The following POLD3 variants were observed in gnomAD, a reference collection of about 807,000 sequenced individuals.
POLD3 encodes DNA polymerase delta 3, accessory subunit.
POLD3 carries 19 observed loss-of-function variants against 58.2 expected under a neutral mutation model. The ratio of observed to expected loss-of-function variants is 0.33; its 90% CI spans 0.23 to 0.48. POLD3 has a LOEUF of 0.48. Among genes scored for constraint, POLD3 ranks in the 20% least tolerant of loss-of-function variants. The pLI is 0.99. For synonymous variants in POLD3, 172 were observed against 193.5 expected, an observed-to-expected ratio of 0.89 and a Z score of 0.92; for missense variants, 504 against 545.5, an observed-to-expected ratio of 0.92 and a Z score of 0.76.
At chr11:74,597,058 T>C (rs2031287279) in intron 2 of POLD3, among the ~76,000 whole-genome samples, 1 of 152,224 alleles carries the variant, frequency 6.6e-6, no homozygotes, top group African/African-American at 2.4e-5. Flanking sequence ...GCAATAAACA[T>C]GTGAGTGCAA....
intron 5 of POLD3, 94 bp downstream of exon 5, chr11:74,613,104 T>C: frequency 9.3e-7 from 1 of 1,070,884 alleles, no homozygotes; most frequent in Non-Finnish European, 1.4e-6. Context: ...ATGCCAAGTC[T>C]AGTAAAACCC....
At chr11:74,629,646 TA>T (rs1159467766) in intron 9 of POLD3, among the ~76,000 whole-genome samples, 1 of 151,958 alleles carries the variant, frequency 6.6e-6, no homozygotes, top group African/African-American at 2.4e-5. Flanking sequence ...GTGAATCTTT[TA>T]AAAATTGTGA....
chr11:74,599,959 T>A (rs80059309), intron 2 of POLD3, among the ~76,000 whole-genome samples: 11,304 of 148,348 alleles, frequency 0.076, 886 homozygotes, highest in African/African-American at 0.21. Context: ...TATTATTATT[T>A]TTTTTTTTTT....
chr11:74,629,083 T>C (rs930822685), intron 8 of POLD3, 134 bp from the exon 9 acceptor site: 11 of 595,174 alleles, frequency 1.8e-5, no homozygotes, highest in Non-Finnish European at 3.0e-5. Context: ...AGAGTCCTTC[T>C]TGGACTATTT....
chr11:74,647,946 C>A (rs1466569771), downstream of POLD3, among the ~76,000 whole-genome samples: 1 of 152,154 alleles, frequency 6.6e-6, no homozygotes, highest in African/African-American at 2.4e-5. Context: ...ATTTAATACA[C>A]TTTCTCTAAT....
chr11:74,654,373 A>G (rs2033106621), intron 4 of POLD3, among the ~76,000 whole-genome samples: 2 of 152,244 alleles, frequency 1.3e-5, no homozygotes, highest in Non-Finnish European at 2.9e-5. Context: ...GAGTTAATCA[A>G]GAAGATATAA....
chr11:74,643,618 C>T (rs1339881155), downstream of POLD3, among the ~76,000 whole-genome samples: 1 of 152,106 alleles, frequency 6.6e-6, no homozygotes. Flanking sequence ...ACTTTCCAGG[C>T]AGAGGAGCAT....
intron 4 of POLD3, among the ~76,000 whole-genome samples, chr11:74,667,503 C>A (rs923199138): frequency 6.6e-6 from 1 of 152,160 alleles, no homozygotes; most frequent in Non-Finnish European, 1.5e-5. Context: ...GCACTCCAAC[C>A]TGGGCGACAG....
At chr11:74,661,136 A>G (rs1042626710) in intron 4 of POLD3, among the ~76,000 whole-genome samples, 1 of 152,104 alleles carries the variant, frequency 6.6e-6, no homozygotes. Context: ...ACTTTCCTCA[A>G]AACAGCTTTG....
chr11:74,592,594 C>A lies in POLD3; in HGVS notation c.-65C>A. ...CCTGGGAGGGAGCAAAGACGTTTCCCGCCGGCGGGAGCTGTGGCTGTGATT... is the reference window on the plus strand; with the variant it reads ...CCTGGGAGGGAGCAAAGACGTTTCCAGCCGGCGGGAGCTGTGGCTGTGATT... On this transcript the variant is annotated 5_prime_UTR_variant, in exon 1 of 12. Transcript: ENST00000263681. 6.3e-7 allele frequency: 1 copy of A among 1,597,030 alleles called. No individual in the cohort carries two copies. Among genetic ancestry groups the A allele is most frequent in the Non-Finnish European group, 8.6e-7 (1 of 1,168,800 alleles).
chr11:74,641,685 A>G lies in POLD3; in HGVS notation c.*919A>G. 1.0e-6 allele frequency: 1 copy of G among 985,268 alleles called. No individual in the cohort carries two copies. 61.0% of individuals were successfully genotyped at this position (985,268 alleles called of 1,614,324 possible). A position where few individuals can be genotyped will look rare whatever the true frequency, so the allele number is the denominator to read the frequency against. On this transcript the variant is annotated 3_prime_UTR_variant, in exon 12 of 12. Transcript: ENST00000263681. ...TTCCTATATACAGTGTGCTACATTTACAAAAAATTTCTCCTTAAGAAAACA... is the reference window on the plus strand; with the variant it reads ...TTCCTATATACAGTGTGCTACATTTGCAAAAAATTTCTCCTTAAGAAAACA...
intron 2 of POLD3, among the ~76,000 whole-genome samples, chr11:74,596,608 A>G (rs905583081): frequency 2.6e-5 from 4 of 152,174 alleles, no homozygotes; most frequent in African/African-American, 9.7e-5. Context: ...TCACACAGTT[A>G]TTTTGGTGGT....
rs116228011 is a variant in POLD3, at chr11:74,630,924, T to C, written c.1006+1601T>C. On this transcript the variant is annotated intron_variant, in intron 9 of 11. Coordinates refer to ENST00000263681, the MANE Select transcript of POLD3 (RefSeq NM_006591.3). ...AATAATACTGTTGGGTGATTAGAAATGTGAGTGGGGTTATTTAGTTTTGAA... is the reference window on the plus strand; with the variant it reads ...AATAATACTGTTGGGTGATTAGAAACGTGAGTGGGGTTATTTAGTTTTGAA... 6.4e-3 allele frequency among the ~76,000 whole-genome samples: 976 copies of C among 152,272 alleles called. 11 individuals are homozygous for C. Among genetic ancestry groups the C allele is most frequent in the African/African-American group, 0.022 (920 of 41,544 alleles).
intron 11 of POLD3, among the ~76,000 whole-genome samples, chr11:74,637,564 A>G (rs536514163): frequency 5.7e-4 from 85 of 150,378 alleles, no homozygotes; most frequent in African/African-American, 2.0e-3. Flanking sequence ...TTTTAAATTT[A>G]AGAGGACAAA....
intron 11 of POLD3, 86 bp from the exon 12 acceptor site, chr11:74,640,478 T>G (rs750256454): frequency 1.4e-4 from 193 of 1,429,390 alleles, no homozygotes; most frequent in Non-Finnish European, 1.6e-4. Context: ...GAGTCTGAAA[T>G]GATTGGGGTT....
At chr11:74,604,408 C>T (rs2031605064) in intron 2 of POLD3, among the ~76,000 whole-genome samples, 1 of 152,202 alleles carries the variant, frequency 6.6e-6, no homozygotes, top group African/African-American at 2.4e-5. Flanking sequence ...ATCATTGCCA[C>T]TGTTTTAATG....
In POLD3 at chr11:74,620,075, G is replaced by T. The variant is rs1340997851; in HGVS notation, c.719G>T (p.Gly240Val). The stretch of plus-strand genomic sequence containing the variant: ...GGGAATATGATGAGCAACTTTTTTG[G>T]AAAAGCTGCTATGAGTAAGCATGTT... The part of the protein sequence containing the change: ...GKGNMMSNFF[G>V]KAAMNKFKVN... The change falls in exon 7 of 12, where the codon GGA becomes GTA. Residue 240 changes from glycine to valine, a missense_variant. Around this residue, in one of 2 missense-constraint regions of POLD3, gnomAD observed 385 missense variants for 370.5 expected, o/e 1.04. Coordinates refer to ENST00000263681, the MANE Select transcript of POLD3 (RefSeq NM_006591.3). The T allele has an allele frequency of 6.2e-7, 1 of 1,611,114 alleles. No individual in the cohort carries two copies. The highest frequency in any genetic ancestry group is 8.5e-7 in the Non-Finnish European group (1 of 1,177,448).
rs151103700 is a variant in POLD3 at position 74,609,877 on chromosome 11, C to G, written c.220-1622C>G. 3.8e-3 allele frequency among the ~76,000 whole-genome samples: 581 copies of G among 152,128 alleles called. 3 individuals are homozygous for G. The highest frequency in any genetic ancestry group is 0.013 in the African/African-American group (547 of 41,494). On this transcript the variant is annotated intron_variant, in intron 3 of 11. Transcript: ENST00000263681. The stretch of plus-strand genomic sequence containing the variant: ...CATAGTGCCACATTGATAGATATAC[C>G]TTAGCTTATTCAGCAATCCCTTATT...
At chr11:74,628,192 C>T (rs911723605) in intron 8 of POLD3, among the ~76,000 whole-genome samples, 1 of 151,950 alleles carries the variant, frequency 6.6e-6, no homozygotes, top group East Asian at 1.9e-4. Context: ...AACCTGTACT[C>T]GATACAGATT....
Sources: allele counts gnomAD v4.1 joint callset (sites outside exome capture counted in the v4.1 genomes callset), GRCh38; gene constraint gnomAD v4.1.1; regional missense constraint gnomAD v4.1.1; transcripts MANE v1.5; gene names NCBI Gene and HGNC (gene_info 2026-07-23, HGNC 2026-07-21).